The following DHX8 variants were observed in gnomAD, a reference collection of about 807,000 sequenced individuals.
The protein encoded by DHX8 is DEAH-box helicase 8, also known as ATP-dependent RNA helicase DHX8.
DHX8 carries 67 observed loss-of-function variants against 140.7 expected under a neutral mutation model. The observed-to-expected ratio is 0.48, with a 90% CI of 0.39 to 0.58. The LOEUF is 0.58. Among genes scored for constraint, DHX8 ranks in the 20% least tolerant of loss-of-function variants. DHX8 has a pLI of 0.00. For missense variants in DHX8, 887 were observed against 1,550.7 expected (o/e 0.57, Z 7.19); for synonymous variants, 533 against 553.2 (o/e 0.96, Z 0.51).
At chr17:43,514,339 G>A (rs1030566050) in intron 17 of DHX8, among the ~76,000 whole-genome samples, 1 of 152,020 alleles carries the variant, frequency 6.6e-6, no homozygotes, top group Non-Finnish European at 1.5e-5. Flanking sequence ...AGCAGACTGT[G>A]TCTCTAAAAT....
chr17:43,542,756 TC>T (rs1340402955), intron 3 of DHX8, among the ~76,000 whole-genome samples: 1 of 152,078 alleles, frequency 6.6e-6, no homozygotes, highest in African/African-American at 2.4e-5. Context: ...AACCTGTGCC[TC>T]CTCCAAATGC....
In DHX8 at chr17:43,499,965, G is replaced by A. The variant is rs758860287; in HGVS notation, c.1408G>A (p.Gly470Ser). The A allele has an allele frequency of 2.5e-6, 4 of 1,613,856 alleles. No individual in the cohort carries two copies. The highest frequency in any genetic ancestry group is 1.3e-5 in the African/African-American group (1 of 74,982). The part of the protein sequence containing the change: ...SPIKIVKNPD[G>S]SLSQAAMMQS... ...TCTTCTGTTGCACCAGAACCCAGAC[G>A]GCTCCCTCTCCCAAGCAGCAATGAT... The change falls in exon 11 of 23, where the codon GGC (glycine) becomes AGC (serine). Residue 470 changes from glycine (G) to serine (S), a missense_variant. Coordinates refer to ENST00000262415, the MANE Select transcript of DHX8 (RefSeq NM_004941.3).
chr17:43,513,449 G>A lies in DHX8; in HGVS notation c.2590G>A (p.Val864Ile). ...VVDPGFVKQK[V>I]YNSKTGIDQL... is the part of the protein sequence containing the mutation. ...GGACCCAGGATTCGTGAAACAGAAA[G>A]TTTACAATTCCAAGACAGGGATTGA... Residue 864 changes from valine (V) to isoleucine (I), a missense_variant, in exon 17 of 23, where the codon GTT (valine) becomes ATT (isoleucine). Physicochemically the swap from Val to Ile is conservative, Grantham distance 29 (BLOSUM62 3). Around this residue, in one of 9 missense-constraint regions of DHX8, gnomAD observed 151 missense variants for 388.3 expected, o/e 0.39. Transcript: ENST00000262415. 1.2e-6 allele frequency: 2 copies of A among 1,614,060 alleles called. No individual in the cohort carries two copies. Among genetic ancestry groups the A allele is most frequent in the Non-Finnish European group, 1.7e-6 (2 of 1,179,994 alleles).
intron 16 of DHX8, among the ~76,000 whole-genome samples, chr17:43,511,285 G>A (rs1254038059): frequency 3.9e-5 from 6 of 152,056 alleles, no homozygotes; most frequent in Admixed American, 1.3e-4. Flanking sequence ...AGCCGAGATC[G>A]TGCCATTGCA....
At chr17:43,521,072 C>T (rs1476890799) in intron 20 of DHX8, among the ~76,000 whole-genome samples, 193 bp downstream of exon 20, 2 of 147,220 alleles carry the variant, frequency 1.4e-5, no homozygotes, top group African/African-American at 5.1e-5. Flanking sequence ...AAGCAGTTCT[C>T]CTGCCTCAGC....
At chr17:43,488,562 T>C (rs960313947) in intron 1 of DHX8, among the ~76,000 whole-genome samples, 17 of 144,928 alleles carry the variant, frequency 1.2e-4, no homozygotes, top group Non-Finnish European at 2.3e-4. Flanking sequence ...AGTGAGCCGA[T>C]ATCGCACCGC....
downstream of DHX8, chr17:43,525,987 G>C: frequency 1.0e-6 from 1 of 985,404 alleles, no homozygotes; most frequent in Non-Finnish European, 1.2e-6. Flanking sequence ...GAAAAAGAAG[G>C]ATCCCCATTC....
chr17:43,534,075 G>GTCACCCAGCTGGTC, intron 2 of DHX8: 1 of 1,337,346 alleles, frequency 7.5e-7, no homozygotes, highest in Non-Finnish European at 9.6e-7. Flanking sequence ...TTGAGGACCA[G>GTCACCCAGCTGGTC]CTGGGTGACT....
At chr17:43,536,742 G>A (rs1971262861) in intron 3 of DHX8, among the ~76,000 whole-genome samples, 1 of 152,264 alleles carries the variant, frequency 6.6e-6, no homozygotes, top group Admixed American at 6.5e-5. Context: ...TGTTGGGCCT[G>A]GGCCGCATTC....
chr17:43,486,125 A>T (rs1968130007), intron 1 of DHX8, among the ~76,000 whole-genome samples: 1 of 151,586 alleles, frequency 6.6e-6, no homozygotes, highest in Admixed American at 6.6e-5. Context: ...CAGGAGACGG[A>T]GGTTTCAGTG....
At chr17:43,518,485 A>G (rs368206927) in intron 18 of DHX8, 90 of 152,298 alleles carry the variant, frequency 5.9e-4, no homozygotes, top group African/African-American at 2.1e-3. Context: ...GGCCATCTTT[A>G]TATCCCTCCC....
chr17:43,501,243 T>C (rs1021904889), intron 11 of DHX8, among the ~76,000 whole-genome samples: 1 of 152,054 alleles, frequency 6.6e-6, no homozygotes, highest in Admixed American at 6.6e-5. Context: ...TTGGACTCAG[T>C]CTGTCAAGTG....
chr17:43,505,548 G>A (rs562643847), intron 12 of DHX8, among the ~76,000 whole-genome samples: 48 of 152,124 alleles, frequency 3.2e-4, no homozygotes, highest in African/African-American at 1.0e-3. Flanking sequence ...CAGCCTGGGC[G>A]ACCAAGTGAG....
Position 43,489,430 on chromosome 17 carries a change from TTC to T in DHX8, c.149-17_149-16del. 1 of 1,555,080 alleles carries T rather than the reference TTC, an allele frequency of 6.4e-7. No individual in the cohort carries two copies. The highest frequency in any genetic ancestry group is 8.8e-7 in the Non-Finnish European group (1 of 1,132,158). On this transcript the variant is annotated splice_polypyrimidine_tract_variant and intron_variant, in intron 1 of 22. Coordinates refer to ENST00000262415, the MANE Select transcript of DHX8 (RefSeq NM_004941.3). ...TTGTTCATGTCTCTTCTTTTCTGAA[TTC>T]TGTTTCTTATTTGCAGCTGAATTTG... is the stretch of plus-strand genomic sequence containing the variant.
downstream of DHX8, among the ~76,000 whole-genome samples, chr17:43,531,801 T>C (rs1364319764): frequency 6.6e-6 from 1 of 152,228 alleles, no homozygotes; most frequent in Admixed American, 6.5e-5. Flanking sequence ...TTTCTCTTCA[T>C]TCAAATCCCT....
downstream of DHX8, chr17:43,530,070 C>T (rs1240816446): frequency 5.6e-6 from 9 of 1,610,802 alleles, no homozygotes; most frequent in African/African-American, 1.3e-5. Context: ...CCTCCCCCAA[C>T]ATGGAGGGCT....
In DHX8 at chr17:43,521,355, C is replaced by G. The variant is rs1333712806; in HGVS notation, c.3067-14C>G. 1 of 1,602,952 alleles carries G rather than the reference C, an allele frequency of 6.2e-7. No homozygotes were observed. Among genetic ancestry groups the G allele is most frequent in the African/African-American group, 1.3e-5 (1 of 74,548 alleles). ...GTTGAGTCGGAAATGTTCCTCTGTC[C>G]CACTGCTTGGCAGGATAAACAAGCC... On this transcript the variant is annotated splice_polypyrimidine_tract_variant and intron_variant, in intron 20 of 22. Coordinates refer to ENST00000262415, the MANE Select transcript of DHX8 (RefSeq NM_004941.3).
At chr17:43,512,541 C>T (rs1264443515) in intron 16 of DHX8, among the ~76,000 whole-genome samples, 2 of 152,058 alleles carry the variant, frequency 1.3e-5, no homozygotes, top group African/African-American at 4.8e-5. Flanking sequence ...GAAGATGGCA[C>T]TGAGGAGGGA....
chr17:43,508,109 T>C, intron 15 of DHX8, 90 bp downstream of exon 15: 1 of 1,320,938 alleles, frequency 7.6e-7, no homozygotes, highest in Non-Finnish European at 1.0e-6. Context: ...TTTGCTAATC[T>C]TTTTAAAAAC....
Sources: gnomAD v4.1 joint callset for allele counts (sites outside exome capture counted in the v4.1 genomes callset) on GRCh38, gnomAD v4.1.1 for gene constraint, gnomAD v4.1.1 regional missense constraint, MANE v1.5 for transcripts, NCBI Gene and HGNC (gene_info 2026-07-23, HGNC 2026-07-21) for gene names.